PRUNE2: variants seen among roughly 807,000 people sequenced by gnomAD.
PRUNE2 encodes protein prune homolog 2.
In PRUNE2, 164 loss-of-function variants were observed where a neutral mutation model predicts 252.0. The ratio of observed to expected loss-of-function variants is 0.65; its 90% CI spans 0.57 to 0.74. PRUNE2 has a LOEUF of 0.74. Among genes scored for constraint, PRUNE2 ranks in the 30% least tolerant of loss-of-function variants. The pLI is 0.00. For synonymous variants in PRUNE2, 1,292 were observed against 1,350.2 expected, an observed-to-expected ratio of 0.96 and a Z score of 0.94; for missense variants, 3,495 against 3,711.0, an observed-to-expected ratio of 0.94 and a Z score of 1.51.
At chr9:76,697,719 C>T (rs931289994) in intron 9 of PRUNE2, among the ~76,000 whole-genome samples, 2 of 152,178 alleles carry the variant, frequency 1.3e-5, no homozygotes, top group African/African-American at 4.8e-5. Flanking sequence ...AACCACTGGG[C>T]TAGACAGAGA....
intron 9 of PRUNE2, chr9:76,692,240 G>A (rs2044836987): frequency 2.9e-6 from 2 of 701,194 alleles, no homozygotes; most frequent in South Asian, 3.1e-5. Context: ...CTGCCTCCCA[G>A]ATCTCCCCAT....
chr9:76,814,157 G>A (rs550935388), intron 6 of PRUNE2, among the ~76,000 whole-genome samples: 4 of 152,254 alleles, frequency 2.6e-5, no homozygotes, highest in East Asian at 3.9e-4. Context: ...GTAAGAGTGG[G>A]TTTTTTTGAG....
At chr9:76,851,884 G>C (rs973313052) in intron 2 of PRUNE2, among the ~76,000 whole-genome samples, 2 of 152,168 alleles carry the variant, frequency 1.3e-5, no homozygotes, top group African/African-American at 4.8e-5. Context: ...AAATAAAGGT[G>C]CTTTAAAAAT....
chr9:76,616,559 G>C (rs1829800817), intron 18 of PRUNE2, among the ~76,000 whole-genome samples: 1 of 152,122 alleles, frequency 6.6e-6, no homozygotes, highest in Non-Finnish European at 1.5e-5. Context: ...CTTACACCAG[G>C]ATGCCCATCT....
At chr9:76,882,375 C>T (rs1395620958) in intron 1 of PRUNE2, among the ~76,000 whole-genome samples, 1 of 152,208 alleles carries the variant, frequency 6.6e-6, no homozygotes, top group African/African-American at 2.4e-5. Flanking sequence ...CATTTTGTAA[C>T]ATTTCCTAAT....
intron 9 of PRUNE2, among the ~76,000 whole-genome samples, chr9:76,660,781 CAAAAAAA>C (rs11432174): frequency 9.9e-6 from 1 of 101,042 alleles, no homozygotes; most frequent in Non-Finnish European, 1.9e-5. Flanking sequence ...GACTCTGAAT[CAAAAAAA>C]AAAAAAAAAA....
Position 76,614,476 on chromosome 9 carries a change from G to T in PRUNE2, c.*94C>A. ...AGAATGGCACCAGGTAGTGCAAAGT[G>T]GAAAAAGGTAACATCAGCCCTGTCT... On this transcript the variant is annotated 3_prime_UTR_variant, in exon 19 of 19. Transcript: ENST00000376718. 9.6e-7 allele frequency: 1 copy of T among 1,040,540 alleles called. No individual in the cohort carries two copies. Among genetic ancestry groups the T allele is most frequent in the East Asian group, 2.4e-5 (1 of 41,758 alleles). The allele number at this position is 1,040,540 out of a possible 1,614,324, so 64.5% of individuals were successfully genotyped here. A position where few individuals can be genotyped will look rare whatever the true frequency, so the allele number is the denominator to read the frequency against.
intron 11 of PRUNE2, among the ~76,000 whole-genome samples, chr9:76,650,323 C>T (rs944086202): frequency 4.0e-5 from 6 of 148,340 alleles, no homozygotes; most frequent in African/African-American, 7.4e-5. Flanking sequence ...AATATATACA[C>T]GAAAAATATA....
At chr9:76,791,602 C>CATTGGTACAATAATACTGCACCAATTATT (rs1489676253) in intron 6 of PRUNE2, among the ~76,000 whole-genome samples, 10 of 147,992 alleles carry the variant, frequency 6.8e-5, no homozygotes, top group Admixed American at 5.4e-4. Context: ...CACCAATTAT[C>CATTGGTACAATAATACTGCACCAATTATT]ATTGGTACAA....
At chr9:76,666,786 T>C (rs1049202317) in intron 9 of PRUNE2, among the ~76,000 whole-genome samples, 4 of 152,178 alleles carry the variant, frequency 2.6e-5, no homozygotes, top group Admixed American at 2.0e-4. Flanking sequence ...ATTTCTGCAA[T>C]CTCTCGTCTC....
chr9:76,659,033 T>A (rs1588258887), intron 9 of PRUNE2, among the ~76,000 whole-genome samples: 1 of 152,160 alleles, frequency 6.6e-6, no homozygotes, highest in African/African-American at 2.4e-5. Flanking sequence ...AGCAAGCGTG[T>A]GAGGAGCCAC....
intron 6 of PRUNE2, among the ~76,000 whole-genome samples, chr9:76,767,929 G>A (rs2052599840): frequency 6.6e-6 from 1 of 152,190 alleles, no homozygotes; most frequent in Non-Finnish European, 1.5e-5. Context: ...GGGTGTAAAA[G>A]AGCAAGGACT....
chr9:76,807,217 T>C (rs182643168), intron 6 of PRUNE2, among the ~76,000 whole-genome samples: 24 of 147,360 alleles, frequency 1.6e-4, no homozygotes, highest in Admixed American at 1.1e-3. Flanking sequence ...AGCACCACCA[T>C]GTCTGGCTAA....
chr9:76,870,276 C>CTT (rs35189740), intron 1 of PRUNE2, among the ~76,000 whole-genome samples: 5 of 144,986 alleles, frequency 3.4e-5, no homozygotes, highest in African/African-American at 1.0e-4. Context: ...GACTCCCTAA[C>CTT]TTTTTTTTTT....
intron 10 of PRUNE2, 113 bp downstream of exon 10, chr9:76,655,310 C>G: frequency 1.2e-6 from 1 of 822,890 alleles, no homozygotes; most frequent in Non-Finnish European, 2.0e-6. Flanking sequence ...TTTCCTCTCA[C>G]TGTTATCACT....
chr9:76,699,634 G>C (rs1193143763), intron 9 of PRUNE2, among the ~76,000 whole-genome samples: 1 of 152,158 alleles, frequency 6.6e-6, no homozygotes, highest in Non-Finnish European at 1.5e-5. Flanking sequence ...CAGGCTGCCA[G>C]CTTGCCCTAT....
intron 4 of PRUNE2, among the ~76,000 whole-genome samples, chr9:76,840,158 A>C (rs116710618): frequency 0.042 from 5,793 of 138,352 alleles, 141 homozygotes; most frequent in Middle Eastern, 0.08. Flanking sequence ...AAAGATAGCA[A>C]AAAAAGAGAA....
intron 11 of PRUNE2, chr9:76,645,221 G>T: frequency 4.3e-6 from 1 of 234,090 alleles, no homozygotes; most frequent in Non-Finnish European, 8.3e-6. Context: ...AGTGGTCCAA[G>T]GACCAACTCA....
Position 76,711,389 on chromosome 9 carries a change from A to G in PRUNE2, c.916-31T>C, listed in dbSNP as rs773204930. ...GGAAGGCACAGGAATTTGTGTCAGCACTCAAGCACTGTTGCACTTTGCAAT... is the reference window on the plus strand; with the variant it reads ...GGAAGGCACAGGAATTTGTGTCAGCGCTCAAGCACTGTTGCACTTTGCAAT... On this transcript the variant is annotated intron_variant, in intron 7 of 18. Coordinates refer to ENST00000376718, the MANE Select transcript of PRUNE2 (RefSeq NM_015225.3). The G allele has an allele frequency of 6.7e-6, 10 of 1,499,790 alleles. No homozygotes were observed. In the Admixed American group the frequency reaches 1.9e-4, roughly 28 times the overall value. The allele number at this position is 1,499,790 out of a possible 1,614,324, so 92.9% of individuals were successfully genotyped here.
Sources: gnomAD v4.1 joint callset for allele counts (sites outside exome capture counted in the v4.1 genomes callset) on GRCh38, gnomAD v4.1.1 for gene constraint, MANE v1.5 for transcripts, NCBI Gene and HGNC (gene_info 2026-07-23, HGNC 2026-07-21) for gene names.